Variants in ATP11C observed in about 807,000 individuals in gnomAD.
ATP11C encodes phospholipid-transporting ATPase IG.
In ATP11C, 36 loss-of-function variants were observed where a neutral mutation model predicts 97.4. The ratio of observed to expected loss-of-function variants is 0.37; its 90% CI spans 0.28 to 0.49. The LOEUF is 0.49. Among genes scored for constraint, ATP11C ranks in the 20% least tolerant of loss-of-function variants. The pLI is 0.98. For missense variants in ATP11C, 730 were observed against 824.6 expected (o/e 0.89, Z 1.40); for synonymous variants, 275 against 290.9 (o/e 0.95, Z 0.56).
At chrX:139,892,658 G>A (rs1486012178) in intron 1 of ATP11C, among the ~76,000 whole-genome samples, 1 of 112,020 alleles carries the variant, frequency 8.9e-6, no homozygotes, top group Non-Finnish European at 1.9e-5. Context: ...AGAAATACAA[G>A]GGCTAGTCTT....
chrX:139,935,974 C>A (rs1184075204), upstream of ATP11C, among the ~76,000 whole-genome samples: 1 of 107,898 alleles, frequency 9.3e-6, no homozygotes, highest in East Asian at 2.9e-4. Context: ...CAAGCCTGGG[C>A]AACAGAGCGA....
chrX:139,809,940 T>C (rs1264108024), intron 5 of ATP11C, among the ~76,000 whole-genome samples: 1 of 111,625 alleles, frequency 9.0e-6, no homozygotes. Flanking sequence ...TACTCCAGCC[T>C]GGGCAACAAG....
At chrX:139,908,209 ACT>A (rs1163187655) in intron 1 of ATP11C, among the ~76,000 whole-genome samples, 2 of 110,547 alleles carry the variant, frequency 1.8e-5, no homozygotes, top group African/African-American at 6.6e-5. Context: ...AATGTGCCTG[ACT>A]CTTGCCCAAC....
At chrX:139,753,711 G>A (rs1437998696) in intron 23 of ATP11C, among the ~76,000 whole-genome samples, 1 of 111,272 alleles carries the variant, frequency 9.0e-6, no homozygotes, top group Non-Finnish European at 1.9e-5. Flanking sequence ...GGGAGGCTGA[G>A]GCAGGAGAAA....
intron 29 of ATP11C, among the ~76,000 whole-genome samples, 152 bp downstream of exon 29, chrX:139,731,499 C>A (rs2081339552): frequency 8.9e-6 from 1 of 111,908 alleles, no homozygotes; most frequent in African/African-American, 3.2e-5. Context: ...CCCCATATTC[C>A]AAGTAATGCA....
intron 19 of ATP11C, among the ~76,000 whole-genome samples, chrX:139,771,663 G>A (rs1017301888): frequency 1.1e-4 from 12 of 111,691 alleles, no homozygotes; most frequent in Non-Finnish European, 1.9e-4. Flanking sequence ...CCGGAGCAAA[G>A]GTGACTCTTG....
At chrX:139,867,590 G>A (rs2084306594) in intron 1 of ATP11C, among the ~76,000 whole-genome samples, 1 of 111,880 alleles carries the variant, frequency 8.9e-6, no homozygotes, top group African/African-American at 3.2e-5. Context: ...GCAAGTGTGA[G>A]GAAAAAGAGT....
In ATP11C at chrX:139,815,471, C is replaced by T. The variant is rs144336431; in HGVS notation, c.319-486G>A. On this transcript the variant is annotated intron_variant, in intron 4 of 29. Coordinates refer to ENST00000682941, the MANE Select transcript of ATP11C (RefSeq NM_001353812.2). ...CACCCACAGAGAATAATAGAAAAGG[C>T]AAGCAAGGATTGTTTTGGCAGAGAA... Among the ~76,000 whole-genome samples the T allele has an allele frequency of 5.4e-3, 601 of 111,328 alleles. 11 individuals are homozygous for T. The highest frequency in any genetic ancestry group is 0.018 in the African/African-American group (551 of 30,739).
chrX:139,771,384 G>T (rs2082251999), intron 19 of ATP11C, among the ~76,000 whole-genome samples: 1 of 111,565 alleles, frequency 9.0e-6, no homozygotes, highest in East Asian at 2.8e-4. Flanking sequence ...TTTATCAGCA[G>T]CATGAAAACG....
At chrX:139,752,171 T>A (rs1187135390) in intron 23 of ATP11C, among the ~76,000 whole-genome samples, 1 of 111,336 alleles carries the variant, frequency 9.0e-6, no homozygotes, top group African/African-American at 3.3e-5. Flanking sequence ...AGAGACCTTT[T>A]CAGATGTCTA....
intron 1 of ATP11C, among the ~76,000 whole-genome samples, chrX:139,869,157 A>G (rs1444571576): frequency 1.8e-5 from 2 of 112,236 alleles, no homozygotes; most frequent in African/African-American, 6.5e-5. Context: ...TCTTGAAGAC[A>G]TATCTGTACT....
chrX:139,888,712 T>C (rs986458598), intron 1 of ATP11C, among the ~76,000 whole-genome samples: 6 of 111,022 alleles, frequency 5.4e-5, no homozygotes, highest in Non-Finnish European at 7.5e-5. Flanking sequence ...ATAGTTTTCA[T>C]ACTACCCAGT....
At chrX:139,736,780 C>T (rs757766903) in intron 28 of ATP11C, among the ~76,000 whole-genome samples, 17 of 111,403 alleles carry the variant, frequency 1.5e-4, no homozygotes, top group African/African-American at 4.9e-4. Context: ...TAATTACACA[C>T]TGACTGGCCT....
At position 139,746,609 on chromosome X, in the gene ATP11C, C is replaced by T. The variant is rs183624638; in HGVS notation, c.2829-752G>A. Among the ~76,000 whole-genome samples the T allele has an allele frequency of 6.3e-3, 705 of 111,697 alleles. 4 individuals are homozygous for T. The highest frequency in any genetic ancestry group is 0.023 in the Middle Eastern group (5 of 215). On this transcript the variant is annotated intron_variant, in intron 24 of 29. Coordinates refer to ENST00000682941, the MANE Select transcript of ATP11C (RefSeq NM_001353812.2). ...AAATTTCACCTTTTTTTAGGTCTTA[C>T]GGTGCCCTTTATATTTTTCCATCAA...
intron 22 of ATP11C, among the ~76,000 whole-genome samples, chrX:139,759,327 G>A (rs1042650009): frequency 1.2e-4 from 13 of 111,858 alleles, no homozygotes; most frequent in African/African-American, 9.7e-5. Flanking sequence ...TTTGTTCACC[G>A]ATTGAATAAA....
At chrX:139,806,094 A>G (rs1484169978) in intron 5 of ATP11C, among the ~76,000 whole-genome samples, 1 of 111,683 alleles carries the variant, frequency 9.0e-6, no homozygotes, top group Non-Finnish European at 1.9e-5. Flanking sequence ...ACACAAAGAG[A>G]GCATTTTTTC....
intron 26 of ATP11C, among the ~76,000 whole-genome samples, chrX:139,741,973 T>TTAA (rs1410971045): frequency 9.0e-6 from 1 of 111,606 alleles, no homozygotes; most frequent in Non-Finnish European, 1.9e-5. Flanking sequence ...GATAACATTA[T>TTAA]TAATGTAGCT....
intron 1 of ATP11C, among the ~76,000 whole-genome samples, chrX:139,850,387 C>A (rs903195928): frequency 2.7e-5 from 3 of 111,381 alleles, no homozygotes; most frequent in African/African-American, 9.8e-5. Context: ...AGATAAATAT[C>A]TTATTGTAAA....
intron 5 of ATP11C, among the ~76,000 whole-genome samples, chrX:139,809,394 G>C (rs1413093753): frequency 8.9e-6 from 1 of 112,184 alleles, no homozygotes; most frequent in Non-Finnish European, 1.9e-5. Context: ...AAAACATTAT[G>C]CTAAGTGAAA....
Sources: gnomAD v4.1 joint callset for allele counts (sites outside exome capture counted in the v4.1 genomes callset) on GRCh38, gnomAD v4.1.1 for gene constraint, MANE v1.5 for transcripts, NCBI Gene and HGNC (gene_info 2026-07-23, HGNC 2026-07-21) for gene names.